Variants in KIF3B observed in about 807,000 individuals in gnomAD.
KIF3B encodes the protein kinesin-like protein KIF3B.
KIF3B carries 38 observed loss-of-function variants against 74.3 expected under a neutral mutation model. The ratio of observed to expected loss-of-function variants is 0.51; its 90% confidence interval spans 0.39 to 0.67. KIF3B has a LOEUF of 0.67. Ranked by LOEUF, KIF3B falls within the 30% of genes least tolerant of loss-of-function variation. The probability of loss-of-function intolerance (pLI) is 0.00; values close to 1 mark genes in which losing one functional copy is unlikely to be tolerated. For missense variants in KIF3B, 649 were observed against 932.0 expected, an observed-to-expected ratio of 0.70 and a Z score of 3.95; for synonymous variants, 326 against 342.5, an observed-to-expected ratio of 0.95 and a Z score of 0.53.
intron 1 of KIF3B, among the ~76,000 whole-genome samples, chr20:32,280,351 T>C (rs1160630616): frequency 7.2e-6 from 1 of 139,192 alleles, no homozygotes. Context: ...CATGGCATTA[T>C]ATAAATGTTG....
In KIF3B at chr20:32,326,814, A is replaced by G; in HGVS notation, c.1792A>G (p.Lys598Glu). 1 of 1,589,628 alleles carries G rather than the reference A, an allele frequency of 6.3e-7. No individual in the cohort carries two copies. Among genetic ancestry groups the G allele is most frequent in the Non-Finnish European group, 8.6e-7 (1 of 1,160,472 alleles). The change falls in exon 6 of 9, where the codon AAA (lysine) becomes GAA (glutamate). Residue 598 changes from lysine (K) to glutamate (E), a missense_variant. By Grantham distance (56) the Lys-to-Glu change is moderately conservative. This residue lies in a region of KIF3B where 186 missense variants were observed against 198.5 expected (regional missense o/e 0.94). Coordinates refer to ENST00000375712, the MANE Select transcript of KIF3B (RefSeq NM_004798.4). Reference sequence around the variant, plus strand: ...CTTTATCCCTCTGGAAGAAAAAAGTAAAATTATGAATAGAGCCTTCTTTGA... The same window carrying G: ...CTTTATCCCTCTGGAAGAAAAAAGTGAAATTATGAATAGAGCCTTCTTTGA... ...ENFIPLEEKS[K>E]IMNRAFFDEE... is the part of the protein sequence containing the mutation.
At chr20:32,305,771 A>G (rs1483328267) in intron 1 of KIF3B, among the ~76,000 whole-genome samples, 1 of 150,136 alleles carries the variant, frequency 6.7e-6, no homozygotes, top group Non-Finnish European at 1.5e-5. Flanking sequence ...TTTAGTACAG[A>G]TGGTGTTTCA....
At chr20:32,297,156 C>T (rs1221085041) in intron 1 of KIF3B, among the ~76,000 whole-genome samples, 2 of 151,016 alleles carry the variant, frequency 1.3e-5, no homozygotes, top group Non-Finnish European at 2.9e-5. Context: ...TTGGCTTGGG[C>T]TGCATTTCAG....
chr20:32,282,961 G>C lies in KIF3B; in HGVS notation c.-66+5196G>C, dbSNP rs115492140. On this transcript the variant is annotated intron_variant, in intron 1 of 8. Transcript: ENST00000375712. ...TGTACTTGTAAATCTGGGCATTACAGGGTTGTACATTCAACATTGTGAATA... is the reference window on the plus strand; with the variant it reads ...TGTACTTGTAAATCTGGGCATTACACGGTTGTACATTCAACATTGTGAATA... Among the ~76,000 whole-genome samples, 1,093 of 152,284 alleles carry C rather than the reference G, an allele frequency of 7.2e-3. 13 individuals are homozygous for C. The highest frequency in any genetic ancestry group is 0.024 in the African/African-American group (1,002 of 41,548).
Position 32,334,181 on chromosome 20 carries a change from AC to A in KIF3B, c.*2867del, listed in dbSNP as rs774477375. 3 of 151,822 alleles carry A rather than the reference AC, an allele frequency of 2.0e-5. No homozygotes were observed. The South Asian group carries it at 6.3e-4, about 32-fold the overall frequency. The allele number at this position is 151,822 out of a possible 1,614,324, so 9.4% of individuals were successfully genotyped here. A position where few individuals can be genotyped will look rare whatever the true frequency, so the allele number is the denominator to read the frequency against. ...AGACTGTGTATGCAACCCCCAATAGACCCCCTTTTACTCTGATCTGGAGAAT... is the reference window on the plus strand; with the variant it reads ...AGACTGTGTATGCAACCCCCAATAGACCCCTTTTACTCTGATCTGGAGAAT... On this transcript the variant is annotated 3_prime_UTR_variant, in exon 9 of 9. Coordinates refer to ENST00000375712, the MANE Select transcript of KIF3B (RefSeq NM_004798.4).
rs759373505 is a variant in KIF3B, at chr20:32,310,985, G to T, written c.1208G>T (p.Gly403Val). Residue 403 changes from glycine to valine, a missense_variant, in exon 2 of 9, where the codon GGT becomes GTT. By Grantham distance (109) the Gly-to-Val change is moderately radical. Around this residue, in one of 4 missense-constraint regions of KIF3B, gnomAD observed 363 missense variants for 592.8 expected, o/e 0.61. Coordinates refer to ENST00000375712, the MANE Select transcript of KIF3B (RefSeq NM_004798.4). This position sits in a 1 kb window ranked among gnomAD's most constrained non-coding sequence, Gnocchi z 6.5. ...GEEEEEEGEE[G>V]EEEGDDKDDY... ...GAGGAGGAGGAGGAGGGAGAAGAGG[G>T]TGAGGAGGAAGGGGATGATAAGGAT... The T allele has an allele frequency of 6.2e-7, 1 of 1,613,010 alleles. No individual in the cohort carries two copies. The highest frequency in any genetic ancestry group is 8.5e-7 in the Non-Finnish European group (1 of 1,179,406).
intron 1 of KIF3B, among the ~76,000 whole-genome samples, chr20:32,302,954 C>T (rs1259662575): frequency 6.6e-6 from 1 of 152,198 alleles, no homozygotes; most frequent in Non-Finnish European, 1.5e-5. Flanking sequence ...TGTGGCCCAA[C>T]ACAAATTTGT....
At chr20:32,323,104 A>T (rs867968037) in intron 5 of KIF3B, among the ~76,000 whole-genome samples, 1,335 of 87,322 alleles carry the variant, frequency 0.015, 34 homozygotes, top group African/African-American at 0.053. Flanking sequence ...TTATATATTT[A>T]TATATATTTA....
chr20:32,286,279 A>G (rs1212314911), intron 1 of KIF3B, among the ~76,000 whole-genome samples: 1 of 152,212 alleles, frequency 6.6e-6, no homozygotes, highest in Non-Finnish European at 1.5e-5. Flanking sequence ...TAAATTAAAC[A>G]GAAACTAAAA....
rs1271085616 is a variant in KIF3B at position 32,322,763 on chromosome 20, TA to T, written c.1749-4007del. Reference sequence around the variant, plus strand: ...ATATTTATTTATATATATATTTATATATATTTATATATATATTTATATATAT... The same window carrying T: ...ATATTTATTTATATATATATTTATATTATTTATATATATATTTATATATAT... On this transcript the variant is annotated intron_variant, in intron 5 of 8. Coordinates refer to ENST00000375712, the MANE Select transcript of KIF3B (RefSeq NM_004798.4). Among the ~76,000 whole-genome samples the T allele has an allele frequency of 7.3e-4, 37 of 50,466 alleles. 5 individuals are homozygous for T. The highest frequency in any genetic ancestry group is 5.6e-3 in the East Asian group (2 of 358). The allele number at this position is 50,466 out of a possible 152,430, so 33.1% of individuals were successfully genotyped here.
chr20:32,323,705 C>T (rs2047888636), intron 5 of KIF3B, among the ~76,000 whole-genome samples: 1 of 152,014 alleles, frequency 6.6e-6, no homozygotes, highest in African/African-American at 2.4e-5. Context: ...GGTGAAACCC[C>T]CATCTCTACT....
At chr20:32,324,521 G>A (rs2047893272) in intron 5 of KIF3B, among the ~76,000 whole-genome samples, 1 of 152,106 alleles carries the variant, frequency 6.6e-6, no homozygotes, top group Non-Finnish European at 1.5e-5. Flanking sequence ...CTCTCATGAG[G>A]TCTGGGCAAG....
intron 1 of KIF3B, among the ~76,000 whole-genome samples, chr20:32,303,380 C>A (rs1462192202): frequency 6.6e-6 from 1 of 151,594 alleles, no homozygotes; most frequent in African/African-American, 2.4e-5. Context: ...GCTTGGCCAT[C>A]ATGGTGAAAC....
chr20:32,324,596 A>T (rs541224805), intron 5 of KIF3B, among the ~76,000 whole-genome samples: 1 of 152,324 alleles, frequency 6.6e-6, no homozygotes, highest in South Asian at 2.1e-4. Flanking sequence ...TGGAGCTAAT[A>T]GTTTCAGCCA....
intron 1 of KIF3B, among the ~76,000 whole-genome samples, chr20:32,294,778 C>G (rs1281690238): frequency 5.9e-5 from 9 of 152,202 alleles, no homozygotes; most frequent in Non-Finnish European, 1.2e-4. Flanking sequence ...TTAACAATGT[C>G]TTTACTCTGT....
At chr20:32,322,780 TTATATA>T (rs1262191572) in intron 5 of KIF3B, among the ~76,000 whole-genome samples, 10 of 58,052 alleles carry the variant, frequency 1.7e-4, no homozygotes, top group Non-Finnish European at 5.1e-5. Flanking sequence ...ATATATATAT[TTATATA>T]TATTTATATA....
chr20:32,307,013 A>G (rs1379776859), intron 1 of KIF3B, among the ~76,000 whole-genome samples: 1 of 152,210 alleles, frequency 6.6e-6, no homozygotes, highest in East Asian at 1.9e-4. Flanking sequence ...AGCATATAAC[A>G]TGCATATATC....
intron 1 of KIF3B, among the ~76,000 whole-genome samples, chr20:32,285,285 A>G (rs192750287): frequency 3.6e-4 from 55 of 152,308 alleles, no homozygotes; most frequent in Admixed American, 3.1e-3. Flanking sequence ...TGAAGCAGGT[A>G]GGAACTGTGA....
In KIF3B at chr20:32,331,931, T is replaced by G. The variant is rs570168230; in HGVS notation, c.*612T>G. The G allele has an allele frequency of 6.5e-6, 1 of 152,860 alleles. No individual in the cohort carries two copies. The highest frequency in any genetic ancestry group is 1.5e-5 in the Non-Finnish European group (1 of 68,116). 9.5% of individuals were successfully genotyped at this position (152,860 alleles called of 1,614,324 possible). ...GGATCTGCCTTTGGGACCTGCTCAG[T>G]GAGGAAATCTCTTCCAATTTCTGCT... is the stretch of plus-strand genomic sequence containing the variant. On this transcript the variant is annotated 3_prime_UTR_variant, in exon 9 of 9. Transcript: ENST00000375712.
Sources: allele counts gnomAD v4.1 joint callset (sites outside exome capture counted in the v4.1 genomes callset), GRCh38; gene constraint gnomAD v4.1.1; regional missense constraint gnomAD v4.1.1; non-coding constraint Gnocchi (gnomAD v3.1); transcripts MANE v1.5; gene names NCBI Gene and HGNC (gene_info 2026-07-23, HGNC 2026-07-21).